GRIA1: variants seen among roughly 807,000 people sequenced by gnomAD.
GRIA1 encodes the protein glutamate ionotropic receptor AMPA type subunit 1, also known as glutamate receptor 1.
In GRIA1, 31 loss-of-function variants were observed where a neutral mutation model predicts 99.2. The observed-to-expected ratio is 0.31, with a 90% confidence interval of 0.23 to 0.42. The LOEUF (loss-of-function observed/expected upper bound fraction) is 0.42. Ranked by LOEUF, GRIA1 falls within the 10% of genes least tolerant of loss-of-function variation. The pLI is 1.00. For missense variants in GRIA1, 782 were observed against 1,157.5 expected (o/e 0.68, Z 4.71); for synonymous variants, 438 against 432.4 (o/e 1.01, Z -0.16).
At chr5:153,748,218 A>C (rs1762282077) in intron 11 of GRIA1, among the ~76,000 whole-genome samples, 1 of 152,230 alleles carries the variant, frequency 6.6e-6, no homozygotes, top group Admixed American at 6.5e-5. Context: ...TGGGTGATGG[A>C]GGTAATGATA....
chr5:153,728,197 T>G (rs1760717933), intron 11 of GRIA1, among the ~76,000 whole-genome samples: 1 of 152,190 alleles, frequency 6.6e-6, no homozygotes, highest in Admixed American at 6.5e-5. Context: ...AAGCTGAAAT[T>G]AGATCCCTCC....
intron 11 of GRIA1, among the ~76,000 whole-genome samples, chr5:153,746,660 T>C (rs1412746873): frequency 6.6e-6 from 1 of 152,146 alleles, no homozygotes; most frequent in African/African-American, 2.4e-5. Flanking sequence ...GTAAGAGCTC[T>C]GGGGGTGGGG....
chr5:153,783,174 G>C (rs1325417568), intron 13 of GRIA1, among the ~76,000 whole-genome samples: 1 of 152,214 alleles, frequency 6.6e-6, no homozygotes, highest in Non-Finnish European at 1.5e-5. Flanking sequence ...CCTGCATCCT[G>C]TTCACGCAGT....
At chr5:153,597,611 T>A (rs1237874343) in intron 2 of GRIA1, among the ~76,000 whole-genome samples, 1 of 152,204 alleles carries the variant, frequency 6.6e-6, no homozygotes, top group African/African-American at 2.4e-5. Context: ...GAAGCACTCT[T>A]AAAATATTAA....
At position 153,811,048 on chromosome 5, in the gene GRIA1, A is replaced by T; in HGVS notation, c.2544A>T (p.Gln848His). 1 of 1,614,066 alleles carries T rather than the reference A, an allele frequency of 6.2e-7. No individual in the cohort carries two copies. Among genetic ancestry groups the T allele is most frequent in the East Asian group, 2.2e-5 (1 of 44,862 alleles). ...RMKGFCLIPQ[Q>H]SINEAIRTST... ...AGGGTTTTTGTTTGATCCCACAGCA[A>T]TCCATCAACGAAGCCATACGGACAT... The change falls in exon 16 of 16, where the codon CAA (glutamine) becomes CAT (histidine). Residue 848 changes from glutamine (Q) to histidine (H), a missense_variant. Physicochemically the swap from Gln to His is conservative, Grantham distance 24 (BLOSUM62 0). Around this residue, in one of 5 missense-constraint regions of GRIA1, gnomAD observed 119 missense variants for 326.6 expected, o/e 0.36. Transcript: ENST00000285900.
intron 2 of GRIA1, among the ~76,000 whole-genome samples, chr5:153,626,813 A>G (rs1272922963): frequency 6.6e-6 from 1 of 152,156 alleles, no homozygotes; most frequent in Non-Finnish European, 1.5e-5. Context: ...GAAGGGATGC[A>G]GCGTGGTTAA....
chr5:153,535,309 A>C (rs1758466791), intron 2 of GRIA1, among the ~76,000 whole-genome samples: 1 of 152,224 alleles, frequency 6.6e-6, no homozygotes, highest in African/African-American at 2.4e-5. Flanking sequence ...TCAAACACGT[A>C]CAGACTAATG....
intron 2 of GRIA1, among the ~76,000 whole-genome samples, chr5:153,631,051 C>T (rs763791686): frequency 3.3e-5 from 5 of 152,314 alleles, no homozygotes; most frequent in South Asian, 4.1e-4. Context: ...AAATAGTCCA[C>T]TCTCTTGTTT....
intron 2 of GRIA1, among the ~76,000 whole-genome samples, chr5:153,537,468 C>T (rs1758687218): frequency 6.6e-6 from 1 of 152,184 alleles, no homozygotes; most frequent in African/African-American, 2.4e-5. Flanking sequence ...CCCAGTCAAG[C>T]TATTGTGCAT....
At chr5:153,734,180 C>A (rs1048759987) in intron 11 of GRIA1, among the ~76,000 whole-genome samples, 1 of 152,178 alleles carries the variant, frequency 6.6e-6, no homozygotes, top group Non-Finnish European at 1.5e-5. Context: ...TTCACCAACC[C>A]TTGCTTTCAT....
chr5:153,703,224 T>G (rs1758656508), intron 10 of GRIA1, among the ~76,000 whole-genome samples: 1 of 152,230 alleles, frequency 6.6e-6, no homozygotes, highest in Non-Finnish European at 1.5e-5. Context: ...TGGGTACCTC[T>G]TGATGCTTAG....
intron 11 of GRIA1, among the ~76,000 whole-genome samples, chr5:153,740,709 T>C (rs1581575598): frequency 6.6e-6 from 1 of 152,222 alleles, no homozygotes; most frequent in Non-Finnish European, 1.5e-5. Flanking sequence ...TCCATACTGA[T>C]GCTAGTTGCA....
intron 11 of GRIA1, among the ~76,000 whole-genome samples, chr5:153,710,640 C>A (rs1759246094): frequency 6.6e-6 from 1 of 152,306 alleles, no homozygotes; most frequent in East Asian, 1.9e-4. Flanking sequence ...TGATCCATTT[C>A]CCCATGTGTG....
intron 2 of GRIA1, among the ~76,000 whole-genome samples, chr5:153,626,789 C>G (rs2149430162): frequency 6.6e-6 from 1 of 152,094 alleles, no homozygotes; most frequent in South Asian, 2.1e-4. Context: ...ACTATAGGGA[C>G]TAATGGGAAA....
rs71575151 is a variant in GRIA1, at chr5:153,650,896, TAA to T, written c.645+406_645+407del. On this transcript the variant is annotated intron_variant, in intron 4 of 15. Coordinates refer to ENST00000285900, the MANE Select transcript of GRIA1 (RefSeq NM_000827.4). ...CAACATGGTGAAACCCTGTCTCCAC[TAA>T]AAAAAAAAAAAAAAAAAAAAAAATT... Among the ~76,000 whole-genome samples, 56 of 70,144 alleles carry T rather than the reference TAA, an allele frequency of 8.0e-4. 1 individual carries two copies. Among genetic ancestry groups the T allele is most frequent in the African/African-American group, 2.1e-3 (45 of 21,070 alleles). 46.0% of individuals were successfully genotyped at this position (70,144 alleles called of 152,430 possible).
chr5:153,764,627 T>G lies in GRIA1; in HGVS notation c.2017T>G (p.Phe673Val). The part of the protein sequence containing the change: ...TLEAGSTKEF[F>V]RRSKIAVFEK... ...GGAAGCAGGATCTACTAAGGAGTTCTTCAGGGTAGGGACATCCTTTGTCCC... is the reference window on the plus strand; with the variant it reads ...GGAAGCAGGATCTACTAAGGAGTTCGTCAGGGTAGGGACATCCTTTGTCCC... Residue 673 changes from phenylalanine (F) to valine (V), a missense_variant, in exon 12 of 16, where the codon TTC (phenylalanine) becomes GTC (valine). Phe to Val is a conservative substitution (Grantham distance 50). Around this residue, in one of 5 missense-constraint regions of GRIA1, gnomAD observed 119 missense variants for 326.6 expected, o/e 0.36. Coordinates refer to ENST00000285900, the MANE Select transcript of GRIA1 (RefSeq NM_000827.4). 1.9e-6 allele frequency: 3 copies of G among 1,611,524 alleles called. No individual in the cohort carries two copies. The highest frequency in any genetic ancestry group is 2.5e-6 in the Non-Finnish European group (3 of 1,177,684).
intron 11 of GRIA1, among the ~76,000 whole-genome samples, chr5:153,741,312 A>C (rs1224692156): frequency 6.6e-6 from 1 of 152,226 alleles, no homozygotes; most frequent in Non-Finnish European, 1.5e-5. Context: ...TGAGAATGAA[A>C]AATGGTTCAG....
At chr5:153,776,831 A>T (rs953074728) in intron 13 of GRIA1, among the ~76,000 whole-genome samples, 3 of 152,144 alleles carry the variant, frequency 2.0e-5, no homozygotes, top group Admixed American at 6.5e-5. Context: ...GTTTCCTCCT[A>T]GTTGCTCATC....
At chr5:153,575,197 A>G (rs62384370) in intron 2 of GRIA1, among the ~76,000 whole-genome samples, 4 of 147,660 alleles carry the variant, frequency 2.7e-5, no homozygotes, top group Non-Finnish European at 4.5e-5. Flanking sequence ...TCAAGAGAGA[A>G]AGAGAGAGAG....
Sources: allele counts gnomAD v4.1 joint callset (sites outside exome capture counted in the v4.1 genomes callset), GRCh38; gene constraint gnomAD v4.1.1; regional missense constraint gnomAD v4.1.1; transcripts MANE v1.5; gene names NCBI Gene and HGNC (gene_info 2026-07-23, HGNC 2026-07-21).